Variants in KDM4C observed in about 807,000 individuals in gnomAD.
The protein encoded by KDM4C is lysine demethylase 4C, also known as lysine-specific demethylase 4C.
KDM4C carries 81 observed loss-of-function variants against 129.3 expected under a neutral mutation model. That is an observed-to-expected ratio of 0.63 (90% CI 0.52 to 0.75). The LOEUF is 0.75. KDM4C is among the 30% of genes least tolerant of loss of function. The pLI is 0.00. For missense variants in KDM4C, 1,457 were observed against 1,304.0 expected (o/e 1.12, Z -1.81); for synonymous variants, 573 against 456.1 (o/e 1.26, Z -3.26).
chr9:6,722,119 T>C (rs1816975384), intron 1 of KDM4C, among the ~76,000 whole-genome samples: 1 of 152,196 alleles, frequency 6.6e-6, no homozygotes, highest in Non-Finnish European at 1.5e-5. Flanking sequence ...AGGACAACTC[T>C]GTTAGCCTTG....
At chr9:6,860,742 T>G (rs1840773499) in intron 5 of KDM4C, among the ~76,000 whole-genome samples, 1 of 152,188 alleles carries the variant, frequency 6.6e-6, no homozygotes. Flanking sequence ...AGTTTTTACA[T>G]TAAAGTTAGT....
chr9:7,037,950 C>T (rs997184205), intron 15 of KDM4C, among the ~76,000 whole-genome samples: 22 of 152,128 alleles, frequency 1.4e-4, no homozygotes, highest in Non-Finnish European at 2.5e-4. Flanking sequence ...AAGCCATGCT[C>T]ATTAAACATA....
chr9:6,773,803 T>C (rs1318780793), intron 1 of KDM4C, among the ~76,000 whole-genome samples: 1 of 150,786 alleles, frequency 6.6e-6, no homozygotes, highest in Non-Finnish European at 1.5e-5. Flanking sequence ...GTATTGTAGA[T>C]GTGTTACTGG....
chr9:7,109,537 A>G (rs1339858313), intron 18 of KDM4C, among the ~76,000 whole-genome samples: 2 of 152,152 alleles, frequency 1.3e-5, no homozygotes, highest in Non-Finnish European at 2.9e-5. Flanking sequence ...GCATTTCACT[A>G]TATTGTTGTG....
chr9:7,109,946 C>T (rs1229561897), intron 18 of KDM4C, among the ~76,000 whole-genome samples: 1 of 152,090 alleles, frequency 6.6e-6, no homozygotes, highest in African/African-American at 2.4e-5. Flanking sequence ...AAAGGGCTTT[C>T]CCCTTCACTC....
At chr9:6,927,485 C>T (rs904565433) in intron 8 of KDM4C, among the ~76,000 whole-genome samples, 1 of 152,108 alleles carries the variant, frequency 6.6e-6, no homozygotes, top group African/African-American at 2.4e-5. Flanking sequence ...TTTTATAATG[C>T]TTCTGATCAT....
intron 17 of KDM4C, among the ~76,000 whole-genome samples, chr9:7,069,138 G>C (rs562408608): frequency 5.0e-4 from 76 of 152,246 alleles, no homozygotes; most frequent in African/African-American, 1.7e-3. Flanking sequence ...TACTCCACCA[G>C]GGCCTGGCTG....
chr9:6,765,594 T>C, intron 1 of KDM4C, among the ~76,000 whole-genome samples: 1 of 152,220 alleles, frequency 6.6e-6, no homozygotes, highest in East Asian at 1.9e-4. Flanking sequence ...TCACTAGCAC[T>C]ATAGTATAGG....
intron 13 of KDM4C, 38 bp from the exon 14 acceptor site, chr9:7,013,750 C>G: frequency 6.3e-7 from 1 of 1,591,624 alleles, no homozygotes; most frequent in South Asian, 1.1e-5. Context: ...AGCTCTTTTC[C>G]ATGTTTTTCA....
rs377187050 is a variant in KDM4C, at chr9:6,958,687, A to ATTTTTTTTTTTT, written c.922-22234_922-22223dup. 7.2e-3 allele frequency among the ~76,000 whole-genome samples: 985 copies of ATTTTTTTTTTTT among 136,058 alleles called. 24 individuals carry two copies. Among genetic ancestry groups the ATTTTTTTTTTTT allele is most frequent in the African/African-American group, 0.027 (921 of 34,378 alleles). The allele number at this position is 136,058 out of a possible 152,430, so 89.3% of individuals were successfully genotyped here. A position where few individuals can be genotyped will look rare whatever the true frequency, so the allele number is the denominator to read the frequency against. On this transcript the variant is annotated intron_variant, in intron 8 of 21. Coordinates refer to ENST00000381309, the MANE Select transcript of KDM4C (RefSeq NM_015061.6). The stretch of plus-strand genomic sequence containing the variant: ...AATACATTATGCCTTTCTTTATATG[A>ATTTTTTTTTTTT]TTTTTTTTTTTTTTTGGGACAGGGT...
At chr9:6,830,056 T>G (rs1481954721) in intron 4 of KDM4C, among the ~76,000 whole-genome samples, 1 of 152,244 alleles carries the variant, frequency 6.6e-6, no homozygotes, top group East Asian at 1.9e-4. Flanking sequence ...TATGGGGCAG[T>G]GTTTCTGTAC....
intron 4 of KDM4C, among the ~76,000 whole-genome samples, chr9:6,832,296 C>T (rs550357839): frequency 4.1e-4 from 61 of 147,912 alleles, no homozygotes; most frequent in Non-Finnish European, 3.6e-4. Context: ...GCTGAGATTG[C>T]GCCACTGCAC....
chr9:6,942,145 G>A (rs1175743832), intron 8 of KDM4C, among the ~76,000 whole-genome samples: 1 of 152,116 alleles, frequency 6.6e-6, no homozygotes, highest in African/African-American at 2.4e-5. Context: ...GGGTGAAGTA[G>A]CAGAGCAATA....
At position 7,082,568 on chromosome 9, in the gene KDM4C, A is replaced by G. The variant is rs571282874; in HGVS notation, c.2425-21117A>G. Among the ~76,000 whole-genome samples, 503 of 152,258 alleles carry G rather than the reference A, an allele frequency of 3.3e-3. 1 individual carries two copies. Among genetic ancestry groups the G allele is most frequent in the Non-Finnish European group, 5.5e-3 (372 of 68,014 alleles). ...TGATTGCTTCCCATCCGTGAGTCTC[A>G]GGGTGCCTTCATGGGGCTGCGGGCA... On this transcript the variant is annotated intron_variant, in intron 17 of 21. Transcript: ENST00000381309.
chr9:6,888,737 A>C (rs1845651444), intron 7 of KDM4C, among the ~76,000 whole-genome samples: 2 of 151,324 alleles, frequency 1.3e-5, no homozygotes, highest in African/African-American at 4.8e-5. Flanking sequence ...TTAAGTACTT[A>C]GCTGCTTGCA....
chr9:6,821,900 G>A (rs1564091797), intron 4 of KDM4C, among the ~76,000 whole-genome samples: 1 of 152,172 alleles, frequency 6.6e-6, no homozygotes, highest in Non-Finnish European at 1.5e-5. Context: ...CTCCCAAAGT[G>A]CTGGGATTAT....
intron 19 of KDM4C, among the ~76,000 whole-genome samples, chr9:7,132,672 C>T (rs368772070): frequency 3.0e-4 from 46 of 152,314 alleles, no homozygotes; most frequent in African/African-American, 1.0e-3. Context: ...GAAAGTTGCC[C>T]ACCTGAAAGT....
At chr9:7,100,426 G>A (rs1302372022) in intron 17 of KDM4C, among the ~76,000 whole-genome samples, 26 of 152,038 alleles carry the variant, frequency 1.7e-4, no homozygotes, top group Admixed American at 1.7e-3. Context: ...TGCAACCTCT[G>A]CCTCCTGGGT....
At chr9:7,163,686 G>A (rs7046542) in intron 19 of KDM4C, among the ~76,000 whole-genome samples, 31,581 of 151,992 alleles carry the variant, frequency 0.21, 3,498 homozygotes, top group Middle Eastern at 0.3. Context: ...TCTCGGTACC[G>A]CATAAATCTT....
Sources: allele counts gnomAD v4.1 joint callset (sites outside exome capture counted in the v4.1 genomes callset), GRCh38; gene constraint gnomAD v4.1.1; transcripts MANE v1.5; gene names NCBI Gene and HGNC (gene_info 2026-07-23, HGNC 2026-07-21).